Variants in TF observed in about 807,000 individuals in gnomAD.
TF encodes the protein transferrin, also known as serotransferrin.
TF carries 55 observed loss-of-function variants against 82.4 expected under a neutral mutation model. The observed-to-expected ratio is 0.67, with a 90% confidence interval of 0.54 to 0.84. The LOEUF is 0.84. Among genes scored for constraint, TF ranks in the 40% least tolerant of loss-of-function variants. The probability of loss-of-function intolerance (pLI) is 0.00; values close to 1 mark genes in which losing one functional copy is unlikely to be tolerated. For missense variants in TF, 737 were observed against 868.4 expected, an observed-to-expected ratio of 0.85 and a Z score of 1.90; for synonymous variants, 332 against 332.6, an observed-to-expected ratio of 1.00 and a Z score of 0.02.
intron 7 of TF, 57 bp downstream of exon 7, chr3:133,757,066 G>GT: frequency 1.2e-6 from 2 of 1,609,240 alleles, no homozygotes; most frequent in Non-Finnish European, 1.7e-6. Context: ...GGATTTGGGG[G>GT]TTTTCCTCCT....
chr3:133,720,429 C>T, the TF span, among the ~76,000 whole-genome samples: 1 of 152,106 alleles, frequency 6.6e-6, no homozygotes, highest in Non-Finnish European at 1.5e-5. Context: ...ATCATCCTTG[C>T]ATTTCTGGGG....
chr3:133,756,725 T>C (rs1404388858), intron 6 of TF, 106 bp from the exon 7 acceptor site: 1 of 1,439,546 alleles, frequency 6.9e-7, no homozygotes, highest in East Asian at 2.3e-5. Context: ...CAGTGCTCAC[T>C]CCAGACCTCT....
At chr3:133,771,773 A>G (rs1576366590) in intron 14 of TF, among the ~76,000 whole-genome samples, 1 of 149,258 alleles carries the variant, frequency 6.7e-6, no homozygotes, top group Non-Finnish European at 1.5e-5. Flanking sequence ...AAAAGAATCA[A>G]TGGGTGTTAA....
the TF span, among the ~76,000 whole-genome samples, chr3:133,695,112 C>T: frequency 6.6e-6 from 1 of 152,092 alleles, no homozygotes; most frequent in Non-Finnish European, 1.5e-5. Flanking sequence ...GGGCAAAGCC[C>T]TGTTAGCCAG....
rs1402124833 is a variant in TF, at chr3:133,782,220, G to C, written c.*3600G>C. The C allele has an allele frequency of 6.6e-6, 1 of 152,156 alleles. No homozygotes were observed. Among genetic ancestry groups the C allele is most frequent in the Non-Finnish European group, 1.5e-5 (1 of 68,020 alleles). The allele number at this position is 152,156 out of a possible 1,614,324, so 9.4% of individuals were successfully genotyped here. ...TTGGTGAGAATGTACAGCCATTGTGGAAAACAGTATGGAGGTTTCTAAATA... is the reference window on the plus strand; with the variant it reads ...TTGGTGAGAATGTACAGCCATTGTGCAAAACAGTATGGAGGTTTCTAAATA... On this transcript the variant is annotated 3_prime_UTR_variant, in exon 17 of 17. Transcript: ENST00000402696.
rs1021121626 is a variant in TF, at chr3:133,792,909, G to T, written c.*14289G>T. 2.0e-5 allele frequency: 3 copies of T among 152,068 alleles called. No individual in the cohort carries two copies. Among genetic ancestry groups the T allele is most frequent in the African/African-American group, 7.2e-5 (3 of 41,398 alleles). The allele number at this position is 152,068 out of a possible 1,614,324, so 9.4% of individuals were successfully genotyped here. A position where few individuals can be genotyped will look rare whatever the true frequency, so the allele number is the denominator to read the frequency against. On this transcript the variant is annotated 3_prime_UTR_variant, in exon 17 of 17. Coordinates refer to ENST00000402696, the MANE Select transcript of TF (RefSeq NM_001063.4). The stretch of plus-strand genomic sequence containing the variant: ...AACATCAAAATAAAAGCACAAACAG[G>T]GTTTTCTTAAAGCACCGATCTGCTC...
chr3:133,768,946 T>G (rs892812599), intron 13 of TF, among the ~76,000 whole-genome samples: 5 of 151,806 alleles, frequency 3.3e-5, no homozygotes, highest in Non-Finnish European at 5.9e-5. Context: ...GCATGCACCA[T>G]CACACCCAGC....
intron 8 of TF, 141 bp from the exon 9 acceptor site, chr3:133,759,034 A>C: frequency 8.9e-7 from 1 of 1,121,218 alleles, no homozygotes; most frequent in Non-Finnish European, 1.3e-6. Flanking sequence ...TTGCTTTCTA[A>C]GGTGATTAAT....
chr3:133,746,162 C>T (rs1933491739), upstream of TF: 2 of 553,528 alleles, frequency 3.6e-6, no homozygotes, highest in Non-Finnish European at 6.5e-6. Context: ...ATGACAATGG[C>T]TGCATTGTGC....
the TF span, among the ~76,000 whole-genome samples, chr3:133,667,029 C>T: frequency 1.3e-5 from 2 of 149,158 alleles, no homozygotes; most frequent in Non-Finnish European, 3.0e-5. Context: ...GAGCGAGACA[C>T]TGTCTCAGAA....
At chr3:133,682,325 C>T in the TF span, among the ~76,000 whole-genome samples, 1 of 152,168 alleles carries the variant, frequency 6.6e-6, no homozygotes, top group African/African-American at 2.4e-5. Flanking sequence ...AGCTCCCCAC[C>T]AGCAACGGAA....
chr3:133,725,489 T>A, the TF span, among the ~76,000 whole-genome samples: 1 of 152,222 alleles, frequency 6.6e-6, no homozygotes, highest in Non-Finnish European at 1.5e-5. Context: ...ATGCTTGTGA[T>A]TTTTGTACAT....
At chr3:133,746,543 G>C in intron 1 of TF, 60 bp downstream of exon 1, 1 of 1,544,782 alleles carries the variant, frequency 6.5e-7, no homozygotes, top group Non-Finnish European at 8.7e-7. Flanking sequence ...CCTGCAACCC[G>C]GGCGGCCACC....
At chr3:133,662,750 T>A in the TF span, among the ~76,000 whole-genome samples, 27 of 152,304 alleles carry the variant, frequency 1.8e-4, no homozygotes, top group Middle Eastern at 3.4e-3. Context: ...TTTAAAAAAA[T>A]TTTTTCTTAT....
Position 133,781,782 on chromosome 3 carries a change from A to C in TF, c.*3162A>C. On this transcript the variant is annotated 3_prime_UTR_variant, in exon 17 of 17. Transcript: ENST00000402696. ...TTTTTGGCTATCACATCAAAAGCCC[A>C]GGCCACAAAAGCAAAAATAAATAAA... The C allele has an allele frequency of 6.6e-6, 1 of 152,228 alleles. No homozygotes were observed. 9.4% of individuals were successfully genotyped at this position (152,228 alleles called of 1,614,324 possible).
the TF span, among the ~76,000 whole-genome samples, chr3:133,678,028 A>C: frequency 5.6e-3 from 852 of 152,134 alleles, 1 homozygote; most frequent in African/African-American, 0.019. Context: ...ACCTCCCAAC[A>C]GGCTCCGGTG....
the TF span, among the ~76,000 whole-genome samples, chr3:133,732,876 G>A: frequency 6.6e-3 from 1,006 of 152,298 alleles, 8 homozygotes; most frequent in African/African-American, 0.023. Flanking sequence ...GAGCTTGGGT[G>A]ACTTGCCTAA....
At position 133,782,113 on chromosome 3, in the gene TF, G is replaced by A. The variant is rs569586675; in HGVS notation, c.*3493G>A. On this transcript the variant is annotated 3_prime_UTR_variant, in exon 17 of 17. Coordinates refer to ENST00000402696, the MANE Select transcript of TF (RefSeq NM_001063.4). The stretch of plus-strand genomic sequence containing the variant: ...CATTATGAGACACTAGATAATAATA[G>A]GATGACTATTATCAAAAAGTCAAAA... 6.6e-6 allele frequency: 1 copy of A among 152,240 alleles called. No homozygotes were observed. The highest frequency in any genetic ancestry group is 2.4e-5 in the African/African-American group (1 of 41,512). The allele number at this position is 152,240 out of a possible 1,614,324, so 9.4% of individuals were successfully genotyped here.
chr3:133,788,827 T>C lies in TF; in HGVS notation c.*10207T>C, dbSNP rs1934757775. On this transcript the variant is annotated 3_prime_UTR_variant, in exon 17 of 17. Transcript: ENST00000402696. ...GCAGCTCAGGGTGAACTTGCATGTG[T>C]TTCAGGCGACGGAAACCCTACTTGA... 1 of 152,266 alleles carries C rather than the reference T, an allele frequency of 6.6e-6. No homozygotes were observed. Among genetic ancestry groups the C allele is most frequent in the Non-Finnish European group, 1.5e-5 (1 of 68,084 alleles). The allele number at this position is 152,266 out of a possible 1,614,324, so 9.4% of individuals were successfully genotyped here.
Sources: allele counts gnomAD v4.1 joint callset (sites outside exome capture counted in the v4.1 genomes callset), GRCh38; gene constraint gnomAD v4.1.1; transcripts MANE v1.5; gene names NCBI Gene and HGNC (gene_info 2026-07-23, HGNC 2026-07-21).